Variants in CNTNAP2 observed in about 807,000 individuals in gnomAD.
CNTNAP2 encodes the protein contactin-associated protein-like 2.
In CNTNAP2, 98 loss-of-function variants were observed where a neutral mutation model predicts 155.2. The ratio of observed to expected loss-of-function variants is 0.63; its 90% CI spans 0.54 to 0.75. The LOEUF (loss-of-function observed/expected upper bound fraction) is 0.75, where lower values mean the gene tolerates loss of function less well. Ranked by LOEUF, CNTNAP2 falls within the 30% of genes least tolerant of loss-of-function variation. The probability of loss-of-function intolerance (pLI) is 0.00; values close to 1 mark genes in which losing one functional copy is unlikely to be tolerated. For missense variants in CNTNAP2, 1,727 were observed against 1,688.1 expected (o/e 1.02, Z -0.40); for synonymous variants, 651 against 631.2 (o/e 1.03, Z -0.47).
At chr7:146,541,717 G>T (rs117236499) in intron 1 of CNTNAP2, among the ~76,000 whole-genome samples, 1 of 152,036 alleles carries the variant, frequency 6.6e-6, no homozygotes, top group African/African-American at 2.4e-5. Flanking sequence ...CTCTCCCACT[G>T]CCAGCCATAC....
chr7:148,286,608 C>T (rs920382007), intron 21 of CNTNAP2, among the ~76,000 whole-genome samples: 3 of 149,210 alleles, frequency 2.0e-5, no homozygotes, highest in Middle Eastern at 3.5e-3. Context: ...TAAAAAAAAT[C>T]TTTTTGTTAT....
rs73461443 is a variant in CNTNAP2 at position 146,883,444 on chromosome 7, G to A, written c.402+43540G>A. Among the ~76,000 whole-genome samples, 1,367 of 152,176 alleles carry A rather than the reference G, an allele frequency of 9.0e-3. 21 individuals carry two copies. The highest frequency in any genetic ancestry group is 0.03 in the African/African-American group (1,266 of 41,532). ...TTTGCAGTTATTGAGGTTTTAAAGG[G>A]AAGATTTACACATGTGTGTGCACAT... On this transcript the variant is annotated intron_variant, in intron 3 of 23. Coordinates refer to ENST00000361727, the MANE Select transcript of CNTNAP2 (RefSeq NM_014141.6).
Position 148,263,420 on chromosome 7 carries a change from G to C in CNTNAP2, c.3382-3613G>C, listed in dbSNP as rs144886126. On this transcript the variant is annotated intron_variant, in intron 20 of 23. Coordinates refer to ENST00000361727, the MANE Select transcript of CNTNAP2 (RefSeq NM_014141.6). ...CAACAATCAAAAACCTCTGAGTAGA[G>C]GCTATTACTGTGTTTCAAAACAAAA... 8.9e-4 allele frequency among the ~76,000 whole-genome samples: 135 copies of C among 151,936 alleles called. 1 individual carries two copies. The highest frequency in any genetic ancestry group is 3.1e-3 in the African/African-American group (129 of 41,478).
At chr7:148,163,988 G>T (rs1391071095) in intron 17 of CNTNAP2, among the ~76,000 whole-genome samples, 3 of 152,310 alleles carry the variant, frequency 2.0e-5, no homozygotes, top group Middle Eastern at 6.8e-3. Context: ...AGGCTGGAGT[G>T]CCGTGGCACA....
At chr7:147,615,285 A>G (rs1801263012) in intron 12 of CNTNAP2, among the ~76,000 whole-genome samples, 1 of 135,510 alleles carries the variant, frequency 7.4e-6, no homozygotes, top group South Asian at 2.3e-4. Flanking sequence ...CTCAAAAAAA[A>G]AAAAAAAAAA....
intron 11 of CNTNAP2, among the ~76,000 whole-genome samples, chr7:147,533,824 G>T (rs998203394): frequency 2.0e-5 from 3 of 152,122 alleles, no homozygotes; most frequent in Admixed American, 6.5e-5. Flanking sequence ...GGCTTCAGTT[G>T]TACTAGCAAC....
chr7:147,509,261 C>T (rs1431407363), intron 11 of CNTNAP2, among the ~76,000 whole-genome samples: 1 of 152,146 alleles, frequency 6.6e-6, no homozygotes, highest in Admixed American at 6.5e-5. Context: ...GCTGTGCAGA[C>T]CGTGTCATAG....
At chr7:146,440,562 T>G (rs1563084515) in intron 1 of CNTNAP2, among the ~76,000 whole-genome samples, 1 of 151,532 alleles carries the variant, frequency 6.6e-6, no homozygotes, top group Non-Finnish European at 1.5e-5. Flanking sequence ...TCACACTGGT[T>G]ATGCTGTCTG....
At chr7:147,810,634 T>C (rs1798164045) in intron 13 of CNTNAP2, among the ~76,000 whole-genome samples, 1 of 152,214 alleles carries the variant, frequency 6.6e-6, no homozygotes, top group Non-Finnish European at 1.5e-5. Flanking sequence ...TTGTTGGCTT[T>C]CTAAAAAAGC....
Position 147,863,197 on chromosome 7 carries a change from T to C in CNTNAP2, c.2099-40368T>C, listed in dbSNP as rs545752411. Among the ~76,000 whole-genome samples the C allele has an allele frequency of 7.2e-5, 11 of 152,290 alleles. No homozygotes were observed. The South Asian group carries it at 1.7e-3, about 23-fold the overall frequency. ...CATGTGGTGTTTGGTTTTCTGTCCT[T>C]GTGATAGTTTGCTGAGAATGATGGT... On this transcript the variant is annotated intron_variant, in intron 13 of 23. Coordinates refer to ENST00000361727, the MANE Select transcript of CNTNAP2 (RefSeq NM_014141.6).
intron 13 of CNTNAP2, among the ~76,000 whole-genome samples, chr7:147,816,260 G>A (rs928346864): frequency 6.6e-6 from 1 of 152,168 alleles, no homozygotes. Context: ...CAGTACACAG[G>A]TGTTACTGAG....
chr7:146,199,187 G>A (rs953146038), intron 1 of CNTNAP2, among the ~76,000 whole-genome samples: 25 of 152,032 alleles, frequency 1.6e-4, no homozygotes, highest in African/African-American at 6.0e-4. Context: ...TTACTTGTTG[G>A]GGACACAATA....
intron 3 of CNTNAP2, among the ~76,000 whole-genome samples, chr7:146,895,195 A>G (rs1368667541): frequency 2.1e-5 from 3 of 142,884 alleles, no homozygotes; most frequent in Non-Finnish European, 4.5e-5. Context: ...CCCTTCCTAC[A>G]TCCTTCCCTT....
chr7:147,410,990 C>T (rs532202426), intron 10 of CNTNAP2, among the ~76,000 whole-genome samples: 2 of 152,244 alleles, frequency 1.3e-5, no homozygotes, highest in East Asian at 1.9e-4. Context: ...AAGAGATCCT[C>T]GCAACTTCTG....
At chr7:148,217,620 TC>T in intron 19 of CNTNAP2, 96 bp downstream of exon 19, 1 of 1,328,774 alleles carries the variant, frequency 7.5e-7, no homozygotes, top group Non-Finnish European at 1.1e-6. Context: ...TGTTATTTAT[TC>T]CCCATAGGCT....
chr7:147,075,082 G>A (rs1246978376), intron 4 of CNTNAP2, among the ~76,000 whole-genome samples: 1 of 152,142 alleles, frequency 6.6e-6, no homozygotes, highest in African/African-American at 2.4e-5. Context: ...ATATAGGCAA[G>A]TTTCAAAAGG....
chr7:146,480,685 TC>T (rs1312362235), intron 1 of CNTNAP2, among the ~76,000 whole-genome samples: 27 of 139,524 alleles, frequency 1.9e-4, no homozygotes, highest in Non-Finnish European at 3.5e-4. Flanking sequence ...TTTTTTTTTT[TC>T]CTTTTTTTTT....
Position 146,799,886 on chromosome 7 carries a change from G to A in CNTNAP2, c.208+25505G>A, listed in dbSNP as rs143605980. ...TTCAAGATCGAAGGAGTTTAATAGT[G>A]TATAAAATTTAGTAAAATTCCTGGT... On this transcript the variant is annotated intron_variant, in intron 2 of 23. Coordinates refer to ENST00000361727, the MANE Select transcript of CNTNAP2 (RefSeq NM_014141.6). Among the ~76,000 whole-genome samples, 123 of 152,194 alleles carry A rather than the reference G, an allele frequency of 8.1e-4. 2 individuals are homozygous for A. The East Asian group carries it at 0.021, about 27-fold the overall frequency.
chr7:147,471,385 G>T (rs1219678982), intron 10 of CNTNAP2, among the ~76,000 whole-genome samples: 1 of 152,172 alleles, frequency 6.6e-6, no homozygotes, highest in Admixed American at 6.5e-5. Flanking sequence ...AATCTTAAAT[G>T]AATCCTGTTT....
Sources: gnomAD v4.1 joint callset for allele counts (sites outside exome capture counted in the v4.1 genomes callset) on GRCh38, gnomAD v4.1.1 for gene constraint, MANE v1.5 for transcripts, NCBI Gene and HGNC (gene_info 2026-07-23, HGNC 2026-07-21) for gene names.